PCDHGA11: variants seen among roughly 807,000 people sequenced by gnomAD.
PCDHGA11 encodes protocadherin gamma-A11.
PCDHGA11 carries 39 observed loss-of-function variants against 60.4 expected under a neutral mutation model. The observed-to-expected ratio is 0.65, with a 90% confidence interval of 0.50 to 0.84. PCDHGA11 has a LOEUF of 0.84. Ranked by LOEUF, PCDHGA11 falls within the 40% of genes least tolerant of loss-of-function variation. The probability of loss-of-function intolerance (pLI) is 0.00; values close to 1 mark genes in which losing one functional copy is unlikely to be tolerated. For synonymous variants in PCDHGA11, 533 were observed against 510.3 expected, an observed-to-expected ratio of 1.04 and a Z score of -0.60; for missense variants, 1,165 against 1,197.7, an observed-to-expected ratio of 0.97 and a Z score of 0.40.
intron 2 of PCDHGA11, 143 bp from the exon 3 acceptor site, chr5:141,505,250 T>C: frequency 2.8e-6 from 4 of 1,439,476 alleles, no homozygotes; most frequent in Non-Finnish European, 9.3e-7. Flanking sequence ...ATTGTAGAAG[T>C]GCCTCCTACC....
rs1485520054 is a variant in PCDHGA11 at position 141,511,210 on chromosome 5, C to T, written c.*37C>T. 6.2e-7 allele frequency: 1 copy of T among 1,609,328 alleles called. No individual in the cohort carries two copies. The highest frequency in any genetic ancestry group is 1.3e-5 in the African/African-American group (1 of 74,896). ...GGCCAAGAGCCACAGGGCGGCCTCT[C>T]CCCAACCAGCCCAGCTTCTCCTTAC... On this transcript the variant is annotated 3_prime_UTR_variant, in exon 4 of 4. Transcript: ENST00000398587.
intron 1 of PCDHGA11, among the ~76,000 whole-genome samples, chr5:141,425,036 G>A (rs574813328): frequency 1.3e-5 from 2 of 152,238 alleles, no homozygotes; most frequent in East Asian, 3.9e-4. Context: ...GTCATTAGTT[G>A]TAAACTGACT....
intron 3 of PCDHGA11, among the ~76,000 whole-genome samples, chr5:141,510,639 T>TATCA (rs998925545): frequency 1.4e-4 from 22 of 152,300 alleles, no homozygotes; most frequent in African/African-American, 4.6e-4. Context: ...TGGTTACCAT[T>TATCA]ATCATCCCCA....
chr5:141,448,449 T>A (rs528049717), intron 1 of PCDHGA11, among the ~76,000 whole-genome samples: 1 of 152,166 alleles, frequency 6.6e-6, no homozygotes, highest in Non-Finnish European at 1.5e-5. Context: ...CTGACTTCCA[T>A]CCCTATCCTA....
At position 141,490,207 on chromosome 5, in the gene PCDHGA11, C is replaced by G. The variant is rs142098675; in HGVS notation, c.2434-4600C>G. ...TTTCTATGAAATTCATGCAAGAGCC[C>G]GTGACCAGGGACAGCCTGCCATGGA... On this transcript the variant is annotated intron_variant, in intron 1 of 3. Coordinates refer to ENST00000398587, the MANE Select transcript of PCDHGA11 (RefSeq NM_018914.3). This position sits in a 1 kb window ranked among gnomAD's most constrained non-coding sequence, Gnocchi z 5.4. 2.9e-4 allele frequency: 470 copies of G among 1,614,056 alleles called. 1 individual carries two copies. Among genetic ancestry groups the G allele is most frequent in the Non-Finnish European group, 3.7e-4 (439 of 1,180,030 alleles).
chr5:141,510,944 C>T lies in PCDHGA11; in HGVS notation c.2582-3C>T, dbSNP rs772921698. 2 of 1,614,120 alleles carry T rather than the reference C, an allele frequency of 1.2e-6. No individual in the cohort carries two copies. Among genetic ancestry groups the T allele is most frequent in the South Asian group, 2.2e-5 (2 of 91,080 alleles). On this transcript the variant is annotated splice_region_variant and splice_polypyrimidine_tract_variant and intron_variant, in intron 3 of 3. Transcript: ENST00000398587. Reference sequence around the variant, plus strand: ...CCCACCTGATCTTCCTCTGTCTCTGCAGAAGCTGCTGATGGGAGCTCCACC... The same window carrying T: ...CCCACCTGATCTTCCTCTGTCTCTGTAGAAGCTGCTGATGGGAGCTCCACC...
intron 2 of PCDHGA11, among the ~76,000 whole-genome samples, chr5:141,502,253 T>C (rs1331834149): frequency 6.6e-6 from 1 of 152,232 alleles, no homozygotes; most frequent in South Asian, 2.1e-4. Context: ...TTTTTTTTAA[T>C]CCAGGATTTT....
intron 1 of PCDHGA11, among the ~76,000 whole-genome samples, chr5:141,463,642 G>A (rs573143516): frequency 6.6e-6 from 1 of 151,750 alleles, no homozygotes; most frequent in South Asian, 2.1e-4. Context: ...TAGTAGAGAC[G>A]GGGTTTCACC....
chr5:141,480,402 G>A (rs1268532373), intron 1 of PCDHGA11, among the ~76,000 whole-genome samples: 2 of 145,838 alleles, frequency 1.4e-5, no homozygotes, highest in African/African-American at 2.6e-5. Flanking sequence ...GCAATAGAGT[G>A]AGACCCTGTC....
intron 1 of PCDHGA11, chr5:141,426,449 G>A (rs1449929836): frequency 1.6e-5 from 5 of 307,646 alleles, no homozygotes; most frequent in East Asian, 8.0e-5. Flanking sequence ...GAGGACATGC[G>A]GCTGCATGTT....
Position 141,421,721 on chromosome 5 carries a change from T to G in PCDHGA11, c.494T>G (p.Val165Gly). The G allele has an allele frequency of 6.2e-7, 1 of 1,613,940 alleles. No homozygotes were observed. The highest frequency in any genetic ancestry group is 8.5e-7 in the Non-Finnish European group (1 of 1,179,844). Residue 165 changes from valine (V) to glycine (G), a missense_variant, in exon 1 of 4, where the codon GTG becomes GGG. Val to Gly is a moderately radical substitution (Grantham distance 109). Transcript: ENST00000398587. ...AATGCTAGGGATCCAGATGTGGGCGTGAACTCCCTCCAGAGCTACCAGCTC... is the reference window on the plus strand; with the variant it reads ...AATGCTAGGGATCCAGATGTGGGCGGGAACTCCCTCCAGAGCTACCAGCTC... ...LPNARDPDVG[V>G]NSLQSYQLSP...
chr5:141,496,766 CT>C (rs1361332988), intron 2 of PCDHGA11, among the ~76,000 whole-genome samples: 1 of 152,068 alleles, frequency 6.6e-6, no homozygotes, highest in Non-Finnish European at 1.5e-5. Context: ...TATCGAGCAT[CT>C]ACTATGAGCA....
rs752011641 is a variant in PCDHGA11 at position 141,490,299 on chromosome 5, C to T, written c.2434-4508C>T. 1.2e-6 allele frequency: 2 copies of T among 1,614,068 alleles called. No homozygotes were observed. Among genetic ancestry groups the T allele is most frequent in the East Asian group, 2.2e-5 (1 of 44,896 alleles). Reference sequence around the variant, plus strand: ...ACAATGCCCCAGAGGTGCTATTGGCCTCTTTGGCCAACCCTGTCCTAGAGA... The same window carrying T: ...ACAATGCCCCAGAGGTGCTATTGGCTTCTTTGGCCAACCCTGTCCTAGAGA... On this transcript the variant is annotated intron_variant, in intron 1 of 3. Coordinates refer to ENST00000398587, the MANE Select transcript of PCDHGA11 (RefSeq NM_018914.3). The surrounding 1 kb of genome is among the most constrained non-coding windows in gnomAD (Gnocchi z 5.4).
chr5:141,482,503 C>A (rs375429072), intron 1 of PCDHGA11, among the ~76,000 whole-genome samples: 2 of 136,154 alleles, frequency 1.5e-5, no homozygotes, highest in South Asian at 4.4e-4. Context: ...CATTCTGGTA[C>A]CCAGAGTACA....
chr5:141,444,282 C>T (rs1341316344), intron 1 of PCDHGA11, among the ~76,000 whole-genome samples: 1 of 148,268 alleles, frequency 6.7e-6, no homozygotes, highest in African/African-American at 2.5e-5. Flanking sequence ...AGTGATTCTC[C>T]TGCCTCAGCC....
At position 141,485,229 on chromosome 5, in the gene PCDHGA11, TC is replaced by T; in HGVS notation, c.2434-9576del. On this transcript the variant is annotated intron_variant, in intron 1 of 3. Transcript: ENST00000398587. The surrounding 1 kb of genome is among the most constrained non-coding windows in gnomAD (Gnocchi z 5.7). ...ATCTGGCGGTGGGCTACCCTTTTGT[TC>T]CTCTTTTACCACCTGGGTTACGTTT... 6.2e-7 allele frequency: 1 copy of T among 1,614,160 alleles called. No homozygotes were observed. The highest frequency in any genetic ancestry group is 8.5e-7 in the Non-Finnish European group (1 of 1,180,022).
rs532725430 is a variant in PCDHGA11, at chr5:141,429,107, G to A, written c.2433+5447G>A. On this transcript the variant is annotated intron_variant, in intron 1 of 3. Transcript: ENST00000398587. ...CTGACCTCGTGATCTGCCCGCCTCG[G>A]CCTCCCAAAGTGCTGGGATTATAGG... The A allele has an allele frequency of 3.8e-3, 579 of 152,026 alleles. 5 individuals are homozygous for A. Among genetic ancestry groups the A allele is most frequent in the Admixed American group, 0.011 (166 of 15,232 alleles). The allele number at this position is 152,026 out of a possible 1,614,324, so 9.4% of individuals were successfully genotyped here. A position where few individuals can be genotyped will look rare whatever the true frequency, so the allele number is the denominator to read the frequency against.
chr5:141,460,909 G>GGTGT (rs548378036), intron 1 of PCDHGA11, among the ~76,000 whole-genome samples: 1 of 123,246 alleles, frequency 8.1e-6, no homozygotes, highest in African/African-American at 3.7e-5. Flanking sequence ...AATATTCCAT[G>GGTGT]GTGTATATAT....
At chr5:141,506,191 C>T (rs932500250) in intron 3 of PCDHGA11, among the ~76,000 whole-genome samples, 8 of 152,182 alleles carry the variant, frequency 5.3e-5, no homozygotes, top group African/African-American at 1.9e-4. Flanking sequence ...TGGCTCACGC[C>T]TGTAATCCCA....
Sources: allele counts gnomAD v4.1 joint callset (sites outside exome capture counted in the v4.1 genomes callset), GRCh38; gene constraint gnomAD v4.1.1; non-coding constraint Gnocchi (gnomAD v3.1); transcripts MANE v1.5; gene names NCBI Gene and HGNC (gene_info 2026-07-23, HGNC 2026-07-21).